The following MCF2L variants were observed in gnomAD, a reference collection of about 807,000 sequenced individuals.
MCF2L encodes guanine nucleotide exchange factor DBS.
MCF2L carries 97 observed loss-of-function variants against 153.4 expected under a neutral mutation model. The observed-to-expected ratio is 0.63, with a 90% confidence interval of 0.54 to 0.75. The LOEUF (loss-of-function observed/expected upper bound fraction) is 0.75. MCF2L is among the 30% of genes least tolerant of loss of function. MCF2L has a pLI of 0.00. For synonymous variants in MCF2L, 659 were observed against 632.2 expected (o/e 1.04, Z -0.64); for missense variants, 1,347 against 1,495.2 (o/e 0.90, Z 1.64).
At chr13:112,912,920 G>GA in intron 2 of MCF2L, among the ~76,000 whole-genome samples, 1 of 150,514 alleles carries the variant, frequency 6.6e-6, no homozygotes, top group South Asian at 2.1e-4. Context: ...GTGTATGTAT[G>GA]GGGTGTGTCT....
chr13:113,001,652 C>T (rs1358755396), intron 1 of MCF2L: 5 of 1,310,300 alleles, frequency 3.8e-6, no homozygotes, highest in Non-Finnish European at 2.9e-6. Context: ...TCAGCTGTCG[C>T]CAGGATCGCA....
chr13:113,060,924 G>A (rs1175644407), intron 5 of MCF2L, among the ~76,000 whole-genome samples: 5 of 42,242 alleles, frequency 1.2e-4, no homozygotes, highest in African/African-American at 2.8e-4. Flanking sequence ...CCCCCACCCC[G>A]CCAGAGGTGC....
In MCF2L at chr13:113,037,020, C is replaced by G. The variant is rs376731636; in HGVS notation, c.279-8251C>G. On this transcript the variant is annotated intron_variant, in intron 3 of 29. Coordinates refer to ENST00000535094, the MANE Select transcript of MCF2L (RefSeq NM_001112732.3). ...TCTGCACACTGGTGTTTGGAACCCC[C>G]AGACTTGAACTTAGTGCCGTGCGGT... Among the ~76,000 whole-genome samples, 211 of 152,356 alleles carry G rather than the reference C, an allele frequency of 1.4e-3. 9 individuals carry two copies. The South Asian group carries it at 0.043, about 31-fold the overall frequency.
Position 112,941,439 on chromosome 13 carries a change from G to A in MCF2L, c.169+39068G>A, listed in dbSNP as rs910230590. On this transcript the variant is annotated intron_variant, in intron 2 of 29. Transcript: ENST00000375608. This position sits in a 1 kb window ranked among gnomAD's most constrained non-coding sequence, Gnocchi z 4.9. ...TGTACATTTCCTTTAGGTGTAAAAG[G>A]AAAATAACTTACAGTAAAATGTAAA... Among the ~76,000 whole-genome samples, 13 of 151,356 alleles carry A rather than the reference G, an allele frequency of 8.6e-5. No individual in the cohort carries two copies. The highest frequency in any genetic ancestry group is 1.3e-4 in the Admixed American group (2 of 15,184).
At chr13:113,092,477 G>A (rs936633533) in intron 26 of MCF2L, among the ~76,000 whole-genome samples, 20 of 152,184 alleles carry the variant, frequency 1.3e-4, no homozygotes, top group African/African-American at 3.1e-4. Flanking sequence ...CCAGTGTGGC[G>A]TCGAAGCCGG....
At chr13:113,014,956 G>C (rs2084413014) in intron 2 of MCF2L, 110 bp downstream of exon 2, 2 of 923,966 alleles carry the variant, frequency 2.2e-6, no homozygotes, top group Admixed American at 2.0e-5. Flanking sequence ...GGTCATGCGA[G>C]GGGCTGTGTA....
chr13:113,088,433 C>A, intron 24 of MCF2L, 28 bp downstream of exon 24: 5 of 1,612,850 alleles, frequency 3.1e-6, no homozygotes, highest in Non-Finnish European at 4.2e-6. Flanking sequence ...CGATCGTTTC[C>A]CGTAGCTTCC....
chr13:113,026,103 C>T (rs1332603642), intron 3 of MCF2L, among the ~76,000 whole-genome samples: 1 of 146,544 alleles, frequency 6.8e-6, no homozygotes, highest in Non-Finnish European at 1.5e-5. Flanking sequence ...GGCAGAGTCT[C>T]TGTGAGGTTT....
chr13:112,934,611 G>C (rs1404857663), intron 2 of MCF2L, among the ~76,000 whole-genome samples: 1 of 147,370 alleles, frequency 6.8e-6, no homozygotes, highest in Admixed American at 6.7e-5. Context: ...AGAACCACTG[G>C]TTGGGACCTC....
At chr13:112,914,705 G>A (rs1054239221) in intron 2 of MCF2L, among the ~76,000 whole-genome samples, 11 of 152,224 alleles carry the variant, frequency 7.2e-5, no homozygotes, top group Admixed American at 1.3e-4. Context: ...CATCTCATGC[G>A]TGAGATTGAA....
chr13:112,918,398 A>G (rs1023769017), intron 2 of MCF2L, among the ~76,000 whole-genome samples: 2 of 152,208 alleles, frequency 1.3e-5, no homozygotes, highest in African/African-American at 4.8e-5. Flanking sequence ...GAGCAGGAGT[A>G]ACTGACGCAG....
chr13:112,938,929 G>A (rs1270769276), intron 2 of MCF2L, among the ~76,000 whole-genome samples: 1 of 152,184 alleles, frequency 6.6e-6, no homozygotes, highest in Non-Finnish European at 1.5e-5. Flanking sequence ...GGCCAGGCAG[G>A]TTCTTCCAGC....
chr13:113,051,689 T>C (rs2087340810), intron 4 of MCF2L, among the ~76,000 whole-genome samples: 1 of 152,212 alleles, frequency 6.6e-6, no homozygotes, highest in Admixed American at 6.5e-5. Flanking sequence ...GTCAAGAGTA[T>C]CTGAAACTGG....
Position 113,027,460 on chromosome 13 carries a change from A to G in MCF2L, c.278+2702A>G, listed in dbSNP as rs1167415967. On this transcript the variant is annotated intron_variant, in intron 3 of 29. Coordinates refer to ENST00000535094, the MANE Select transcript of MCF2L (RefSeq NM_001112732.3). The surrounding 1 kb of genome is among the most constrained non-coding windows in gnomAD (Gnocchi z 4.8). The stretch of plus-strand genomic sequence containing the variant: ...GAAAGAAGGGGGCTCGTGACTGACT[A>G]TGGTCAAAGCCCTGGACATGGCGGT... Among the ~76,000 whole-genome samples the G allele has an allele frequency of 6.6e-6, 1 of 152,140 alleles. No homozygotes were observed. The highest frequency in any genetic ancestry group is 2.4e-5 in the African/African-American group (1 of 41,432).
Position 113,077,210 on chromosome 13 carries a change from A to G in MCF2L, c.1659A>G (p.Pro553=). The part of the protein sequence containing the change: ...EALAKSPCPS[P]GIRRGSENSS... The stretch of plus-strand genomic sequence containing the variant: ...TGGCAAAGTCGCCCTGCCCCTCCCC[A>G]GGTCTGTGTGGCCGCCCGGTGCCCC... Residue 553 remains proline, a splice_region_variant and synonymous_variant, in exon 13 of 30, where the codon CCA becomes CCG. Coordinates refer to ENST00000535094, the MANE Select transcript of MCF2L (RefSeq NM_001112732.3). 1.3e-6 allele frequency: 2 copies of G among 1,567,150 alleles called. No homozygotes were observed. Among genetic ancestry groups the G allele is most frequent in the Non-Finnish European group, 1.7e-6 (2 of 1,153,086 alleles).
At chr13:112,964,108 CG>C (rs1269895143) in intron 2 of MCF2L, among the ~76,000 whole-genome samples, 2 of 1,764 alleles carry the variant, frequency 1.1e-3, no homozygotes, top group African/African-American at 5.7e-3. Context: ...TTGCAGGGGG[CG>C]GGGGGGCGGG....
chr13:113,020,711 G>A (rs1314608402), intron 2 of MCF2L, among the ~76,000 whole-genome samples: 2 of 152,220 alleles, frequency 1.3e-5, no homozygotes, highest in African/African-American at 2.4e-5. Flanking sequence ...GTCCCCGTGG[G>A]GGTCAGCATT....
intron 2 of MCF2L, among the ~76,000 whole-genome samples, chr13:113,017,965 C>A (rs775236648): frequency 6.6e-6 from 1 of 152,246 alleles, no homozygotes; most frequent in Non-Finnish European, 1.5e-5. Flanking sequence ...ACTTGCCCTG[C>A]TGATTTCCCC....
chr13:113,087,342 C>T lies in MCF2L; in HGVS notation c.2481C>T (p.Pro827=), dbSNP rs1264482918. The part of the protein sequence containing the change: ...TKVKELARFK[P]MQRHLFLHEK... ...TGAAGGAGCTGGCCAGGTTCAAGCC[C>T]ATGCAGCGGCACCTGTTCCTGCACG... The change falls in exon 22 of 30, where the codon CCC becomes CCT. Residue 827 remains proline (P), a synonymous_variant. Transcript: ENST00000535094. 1.2e-6 allele frequency: 2 copies of T among 1,613,428 alleles called. No individual in the cohort carries two copies. The highest frequency in any genetic ancestry group is 1.7e-6 in the Non-Finnish European group (2 of 1,180,040).
Sources: gnomAD v4.1 joint callset for allele counts (sites outside exome capture counted in the v4.1 genomes callset) on GRCh38, gnomAD v4.1.1 for gene constraint, Gnocchi (gnomAD v3.1) non-coding constraint, MANE v1.5 for transcripts, NCBI Gene and HGNC (gene_info 2026-07-23, HGNC 2026-07-21) for gene names.